The following GABRB1 variants were observed in gnomAD, a reference collection of about 807,000 sequenced individuals.
GABRB1 encodes the protein gamma-aminobutyric acid type A receptor subunit beta1.
In GABRB1, 17 loss-of-function variants were observed where a neutral mutation model predicts 51.6. That is an observed-to-expected ratio of 0.33 (90% CI 0.23 to 0.49). The LOEUF is 0.49. GABRB1 is among the 20% of genes least tolerant of loss of function. The probability of loss-of-function intolerance (pLI) is 0.99; values close to 1 mark genes in which losing one functional copy is unlikely to be tolerated. For synonymous variants in GABRB1, 247 were observed against 218.9 expected, an observed-to-expected ratio of 1.13 and a Z score of -1.14; for missense variants, 410 against 600.6, an observed-to-expected ratio of 0.68 and a Z score of 3.32.
chr4:47,415,262 T>A (rs1046885674), intron 8 of GABRB1, among the ~76,000 whole-genome samples: 12 of 152,280 alleles, frequency 7.9e-5, no homozygotes, highest in African/African-American at 2.6e-4. Context: ...AACTGAAAGG[T>A]GGAAGCACAG....
intron 3 of GABRB1, among the ~76,000 whole-genome samples, chr4:47,137,236 A>G (rs1245544353): frequency 6.6e-6 from 1 of 152,138 alleles, no homozygotes; most frequent in Non-Finnish European, 1.5e-5. Context: ...TCAGAGCTGC[A>G]GTAGAAGAAG....
chr4:47,120,763 T>C (rs1483094837), intron 3 of GABRB1, among the ~76,000 whole-genome samples: 2 of 152,184 alleles, frequency 1.3e-5, no homozygotes, highest in Non-Finnish European at 2.9e-5. Context: ...TGTCTAGAGA[T>C]GTCATCCAGG....
chr4:47,080,119 G>A lies in GABRB1; in HGVS notation c.240+47635G>A, dbSNP rs527955696. On this transcript the variant is annotated intron_variant, in intron 3 of 8. Coordinates refer to ENST00000295454, the MANE Select transcript of GABRB1 (RefSeq NM_000812.4). ...TCAACTAGACATTAACCTAGATATT[G>A]ATGTAAATATCTCTAATATCAATCC... 5.1e-4 allele frequency among the ~76,000 whole-genome samples: 77 copies of A among 152,218 alleles called. No homozygotes were observed. The South Asian group carries it at 8.1e-3, about 16-fold the overall frequency.
At chr4:47,366,119 A>T (rs1007009847) in intron 5 of GABRB1, among the ~76,000 whole-genome samples, 10 of 152,258 alleles carry the variant, frequency 6.6e-5, no homozygotes, top group African/African-American at 2.4e-4. Context: ...CCATAGACTC[A>T]ACATAGGTTC....
At chr4:47,319,119 T>C (rs552137470) in intron 4 of GABRB1, among the ~76,000 whole-genome samples, 1 of 152,186 alleles carries the variant, frequency 6.6e-6, no homozygotes, top group Non-Finnish European at 1.5e-5. Flanking sequence ...GGAAATGCCA[T>C]AATTCATTTT....
chr4:47,214,160 T>C (rs1296036004), intron 4 of GABRB1, among the ~76,000 whole-genome samples: 3 of 152,158 alleles, frequency 2.0e-5, no homozygotes, highest in Non-Finnish European at 4.4e-5. Flanking sequence ...GGGAATAGTG[T>C]CTTAACAGGA....
At chr4:47,008,613 C>T (rs1727716709) in intron 1 of GABRB1, among the ~76,000 whole-genome samples, 2 of 149,694 alleles carry the variant, frequency 1.3e-5, no homozygotes, top group East Asian at 2.0e-4. Flanking sequence ...CAGGCTCCCG[C>T]CACCACACCC....
At chr4:47,385,462 C>T (rs1454699992) in intron 5 of GABRB1, among the ~76,000 whole-genome samples, 1 of 152,142 alleles carries the variant, frequency 6.6e-6, no homozygotes, top group Non-Finnish European at 1.5e-5. Flanking sequence ...ATAGACGATG[C>T]AACAGGATTT....
chr4:47,105,935 A>G (rs1714949348), intron 3 of GABRB1, among the ~76,000 whole-genome samples: 1 of 152,136 alleles, frequency 6.6e-6, no homozygotes, highest in South Asian at 2.1e-4. Context: ...AAAAAATTTT[A>G]ACTGGCTTGT....
intron 3 of GABRB1, among the ~76,000 whole-genome samples, chr4:47,123,141 T>C (rs1715855089): frequency 6.6e-6 from 1 of 151,696 alleles, no homozygotes; most frequent in African/African-American, 2.4e-5. Flanking sequence ...TGAAATTCAA[T>C]GATTCAGTAT....
At chr4:47,270,333 A>G (rs1722822713) in intron 4 of GABRB1, among the ~76,000 whole-genome samples, 1 of 152,186 alleles carries the variant, frequency 6.6e-6, no homozygotes, top group African/African-American at 2.4e-5. Context: ...CCAGGAAACC[A>G]CTGAAAGTGA....
At chr4:47,072,970 A>G (rs905940449) in intron 3 of GABRB1, among the ~76,000 whole-genome samples, 2 of 152,168 alleles carry the variant, frequency 1.3e-5, no homozygotes, top group Non-Finnish European at 2.9e-5. Context: ...CACACTTAGA[A>G]TAGTTCATTT....
At position 47,057,555 on chromosome 4, in the gene GABRB1, C is replaced by T. The variant is rs545073132; in HGVS notation, c.240+25071C>T. ...GGAACAAATTGGATATTTTAAGTAGCGTATCCTGTGCACATGCAGTACCAC... is the reference window on the plus strand; with the variant it reads ...GGAACAAATTGGATATTTTAAGTAGTGTATCCTGTGCACATGCAGTACCAC... On this transcript the variant is annotated intron_variant, in intron 3 of 8. Coordinates refer to ENST00000295454, the MANE Select transcript of GABRB1 (RefSeq NM_000812.4). Among the ~76,000 whole-genome samples the T allele has an allele frequency of 4.6e-5, 7 of 152,302 alleles. No individual in the cohort carries two copies. The East Asian group carries it at 5.8e-4, about 13-fold the overall frequency.
chr4:47,316,718 A>G (rs1381814834), intron 4 of GABRB1, among the ~76,000 whole-genome samples: 2 of 151,914 alleles, frequency 1.3e-5, no homozygotes, highest in African/African-American at 4.8e-5. Flanking sequence ...ATCATTGACT[A>G]TAAAGGTGAT....
At chr4:47,292,172 C>G (rs1408287929) in intron 4 of GABRB1, among the ~76,000 whole-genome samples, 1 of 152,130 alleles carries the variant, frequency 6.6e-6, no homozygotes, top group African/African-American at 2.4e-5. Context: ...CTTATGAGAT[C>G]TGATGGTCAT....
intron 3 of GABRB1, among the ~76,000 whole-genome samples, chr4:47,085,272 T>G (rs369539526): frequency 2.6e-5 from 4 of 152,198 alleles, no homozygotes; most frequent in African/African-American, 9.6e-5. Context: ...TATACAATAT[T>G]TTTCCCCTTA....
intron 3 of GABRB1, among the ~76,000 whole-genome samples, chr4:47,157,309 A>C (rs2109730233): frequency 6.6e-6 from 1 of 152,188 alleles, no homozygotes; most frequent in Non-Finnish European, 1.5e-5. Context: ...AAAATGTCCC[A>C]TCTTCTCTGG....
At chr4:47,126,093 G>A (rs1716131267) in intron 3 of GABRB1, among the ~76,000 whole-genome samples, 1 of 151,814 alleles carries the variant, frequency 6.6e-6, no homozygotes, top group Admixed American at 6.6e-5. Context: ...CACACACAAT[G>A]CAATATTATC....
At chr4:47,206,069 G>T (rs992667935) in intron 4 of GABRB1, among the ~76,000 whole-genome samples, 2 of 150,412 alleles carry the variant, frequency 1.3e-5, no homozygotes, top group South Asian at 4.2e-4. Flanking sequence ...AAAAAAAATA[G>T]CACTGAATAT....
Sources: gnomAD v4.1 joint callset for allele counts (sites outside exome capture counted in the v4.1 genomes callset) on GRCh38, gnomAD v4.1.1 for gene constraint, MANE v1.5 for transcripts, NCBI Gene and HGNC (gene_info 2026-07-23, HGNC 2026-07-21) for gene names.